The following HTR1F variants were observed in gnomAD, a reference collection of about 807,000 sequenced individuals.
The protein encoded by HTR1F is 5-hydroxytryptamine receptor 1F.
HTR1F carries 17 observed loss-of-function variants against 24.0 expected under a neutral mutation model. The ratio of observed to expected loss-of-function variants is 0.71; its 90% confidence interval spans 0.48 to 1.06. HTR1F has a LOEUF of 1.06. HTR1F is among the 50% of genes least tolerant of loss of function. The probability of loss-of-function intolerance (pLI) is 0.00; values close to 1 mark genes in which losing one functional copy is unlikely to be tolerated. For missense variants in HTR1F, 391 were observed against 427.8 expected (o/e 0.91, Z 0.76); for synonymous variants, 186 against 156.8 (o/e 1.19, Z -1.39).
At chr3:87,974,813 C>T (rs1487864023) in intron 2 of HTR1F, among the ~76,000 whole-genome samples, 4 of 152,098 alleles carry the variant, frequency 2.6e-5, no homozygotes, top group African/African-American at 7.2e-5. Flanking sequence ...CATATAGAAA[C>T]CAATACACAC....
intron 2 of HTR1F, among the ~76,000 whole-genome samples, chr3:87,880,172 T>C (rs1410587650): frequency 6.6e-6 from 1 of 152,078 alleles, no homozygotes; most frequent in Non-Finnish European, 1.5e-5. Context: ...GGGTGCAGGA[T>C]AACGAGAATG....
chr3:87,821,590 A>G (rs368694153), intron 1 of HTR1F, among the ~76,000 whole-genome samples: 1 of 152,140 alleles, frequency 6.6e-6, no homozygotes, highest in East Asian at 1.9e-4. Context: ...TAGTTATTTG[A>G]TAACACTGTT....
chr3:87,931,746 G>T (rs1474640646), intron 2 of HTR1F, among the ~76,000 whole-genome samples: 3 of 151,568 alleles, frequency 2.0e-5, no homozygotes, highest in Non-Finnish European at 4.4e-5. Context: ...CATTCTAACT[G>T]GTGTGAGATG....
At chr3:87,855,149 C>CAT (rs1705171843) in intron 2 of HTR1F, among the ~76,000 whole-genome samples, 1 of 152,040 alleles carries the variant, frequency 6.6e-6, no homozygotes, top group Admixed American at 6.6e-5. Context: ...ATGCAGTGTA[C>CAT]ATTAGCATCA....
intron 1 of HTR1F, among the ~76,000 whole-genome samples, chr3:87,802,218 TCTCTCC>T (rs1704004341): frequency 2.1e-5 from 1 of 48,478 alleles, no homozygotes; most frequent in Non-Finnish European, 3.5e-5. Flanking sequence ...CCTCCCTCCC[TCTCTCC>T]CTCCCTCCCT....
intron 2 of HTR1F, among the ~76,000 whole-genome samples, chr3:87,837,626 G>T (rs1188430029): frequency 6.6e-6 from 1 of 151,984 alleles, no homozygotes; most frequent in African/African-American, 2.4e-5. Flanking sequence ...GTCCTCCACA[G>T]TTTAACAGTA....
At chr3:87,941,168 T>G (rs1704558842) in intron 2 of HTR1F, among the ~76,000 whole-genome samples, 1 of 152,232 alleles carries the variant, frequency 6.6e-6, no homozygotes, top group South Asian at 2.1e-4. Context: ...AAGCTGCTTC[T>G]TCTGCTTCAG....
intron 2 of HTR1F, among the ~76,000 whole-genome samples, chr3:87,823,621 C>T (rs545195627): frequency 1.6e-3 from 244 of 151,192 alleles, no homozygotes; most frequent in South Asian, 3.5e-3. Flanking sequence ...ATCAAGTGAT[C>T]CTCCCACCTC....
chr3:87,910,391 G>A (rs1703752395), intron 2 of HTR1F: 1 of 151,844 alleles, frequency 6.6e-6, no homozygotes, highest in Non-Finnish European at 1.5e-5. Context: ...TTACATAACA[G>A]TAAAGGGTTC....
intron 2 of HTR1F, among the ~76,000 whole-genome samples, chr3:87,934,730 T>A (rs1481307882): frequency 6.6e-6 from 1 of 152,190 alleles, no homozygotes; most frequent in South Asian, 2.1e-4. Flanking sequence ...GACTGAAGCA[T>A]TTTGCAATGC....
chr3:87,905,318 C>CA (rs201880346), intron 2 of HTR1F, among the ~76,000 whole-genome samples: 40 of 146,956 alleles, frequency 2.7e-4, no homozygotes, highest in South Asian at 4.3e-4. Context: ...CTCAAACAAA[C>CA]AAAAAAAAAG....
In HTR1F at chr3:87,992,105, G is replaced by A. The variant is rs141588756; in HGVS notation, c.*255G>A. ...TTTGCCTATGCAATGTTCCTAAAAA[G>A]CTAACTGGAAAAAATATATATATAT... On this transcript the variant is annotated 3_prime_UTR_variant, in exon 3 of 3. Coordinates refer to ENST00000319595, the MANE Select transcript of HTR1F (RefSeq NM_001322209.2). 4.1e-6 allele frequency: 1 copy of A among 242,470 alleles called. No individual in the cohort carries two copies. The highest frequency in any genetic ancestry group is 8.5e-6 in the Non-Finnish European group (1 of 118,096). 15.0% of individuals were successfully genotyped at this position (242,470 alleles called of 1,614,324 possible).
At chr3:87,809,043 T>C (rs1324792881) in intron 1 of HTR1F, among the ~76,000 whole-genome samples, 1 of 151,834 alleles carries the variant, frequency 6.6e-6, no homozygotes, top group Non-Finnish European at 1.5e-5. Flanking sequence ...TGATTTTGGC[T>C]AGTTTACAGA....
At chr3:87,794,296 A>AACGGT (rs1231207342) in intron 1 of HTR1F, among the ~76,000 whole-genome samples, 4 of 152,046 alleles carry the variant, frequency 2.6e-5, no homozygotes, top group Non-Finnish European at 4.4e-5. Flanking sequence ...TCCAAGCATC[A>AACGGT]CCACTTCGTG....
At chr3:87,886,774 G>A (rs1428982723) in intron 2 of HTR1F, among the ~76,000 whole-genome samples, 3 of 152,036 alleles carry the variant, frequency 2.0e-5, no homozygotes, top group African/African-American at 7.2e-5. Context: ...AACTTACAAG[G>A]GATGTGAAGG....
intron 2 of HTR1F, among the ~76,000 whole-genome samples, chr3:87,872,168 GA>G (rs1414573308): frequency 6.6e-6 from 1 of 152,064 alleles, no homozygotes; most frequent in South Asian, 2.1e-4. Context: ...ATAAGTCAAA[GA>G]AAAAAATCGC....
intron 1 of HTR1F, among the ~76,000 whole-genome samples, chr3:87,797,614 A>G (rs1703926424): frequency 6.6e-6 from 1 of 152,174 alleles, no homozygotes; most frequent in Admixed American, 6.5e-5. Context: ...ACGTGCACAT[A>G]GATTAGCTAT....
intron 2 of HTR1F, among the ~76,000 whole-genome samples, chr3:87,844,477 T>C (rs1180435500): frequency 7.3e-6 from 1 of 136,156 alleles, no homozygotes; most frequent in Non-Finnish European, 1.5e-5. Flanking sequence ...ATTTTGTAGG[T>C]TGCCTGTTCA....
At chr3:87,944,723 G>T (rs1704653539) in intron 2 of HTR1F, among the ~76,000 whole-genome samples, 1 of 152,196 alleles carries the variant, frequency 6.6e-6, no homozygotes, top group South Asian at 2.1e-4. Context: ...ATTCTGAAGT[G>T]GTGAGGTGTG....
Sources: gnomAD v4.1 joint callset for allele counts (sites outside exome capture counted in the v4.1 genomes callset) on GRCh38, gnomAD v4.1.1 for gene constraint, MANE v1.5 for transcripts, NCBI Gene and HGNC (gene_info 2026-07-23, HGNC 2026-07-21) for gene names.